CSTL1: variants seen among roughly 807,000 people sequenced by gnomAD.
CSTL1 encodes cystatin like 1.
CSTL1 carries 14 observed loss-of-function variants against 14.4 expected under a neutral mutation model. The ratio of observed to expected loss-of-function variants is 0.97; its 90% CI spans 0.64 to 1.52. The LOEUF is 1.52. Among genes scored for constraint, CSTL1 ranks in the 40% most tolerant of loss-of-function variants. CSTL1 has a pLI of 0.00. For synonymous variants in CSTL1, 72 were observed against 67.5 expected (o/e 1.07, Z -0.33); for missense variants, 170 against 168.7 (o/e 1.01, Z -0.04).
At chr20:23,445,920 G>C (rs1986956682), downstream of CSTL1, among the ~76,000 whole-genome samples, 1 of 152,190 alleles carries the variant, frequency 6.6e-6, no homozygotes, top group Non-Finnish European at 1.5e-5. Context: ...GGAGCTTCCA[G>C]AGTTCTCTCT....
rs999717104 is a variant in CSTL1 at position 23,440,046 on chromosome 20, A to G, written c.-124-98A>G. 14 of 569,306 alleles carry G rather than the reference A, an allele frequency of 2.5e-5. No homozygotes were observed. In the East Asian group the frequency reaches 4.3e-4, roughly 17 times the overall value. 35.3% of individuals were successfully genotyped at this position (569,306 alleles called of 1,614,324 possible). A position where few individuals can be genotyped will look rare whatever the true frequency, so the allele number is the denominator to read the frequency against. ...GTGTTTAAAAATTTTGCTTGCCTGG[A>G]TCACCAAAGAACTGAATGGGTGGTG... On this transcript the variant is annotated intron_variant, in intron 1 of 3. Coordinates refer to ENST00000347397, the MANE Select transcript of CSTL1 (RefSeq NM_138283.1).
chr20:23,450,541 A>C, the CSTL1 span: 1 of 1,612,474 alleles, frequency 6.2e-7, no homozygotes, highest in Non-Finnish European at 8.5e-7. Context: ...AAAATTTTGT[A>C]CTGTTCAAAC....
downstream of CSTL1, among the ~76,000 whole-genome samples, chr20:23,447,861 A>G (rs1986999248): frequency 1.3e-5 from 2 of 152,182 alleles, no homozygotes; most frequent in Admixed American, 6.5e-5. Context: ...ACTTTTAAAC[A>G]TTGTTTGTTT....
Position 23,444,005 on chromosome 20 carries a change from C to A in CSTL1, c.291C>A (p.Ser97Arg), listed in dbSNP as rs1012933829. ...CCAAATGCAAGAGGAATGACACGAG[C>A]AATTCTTCCTGCCCCCTGCAAAGCA... ...GWTKCKRNDTSNSSCPLQSKK... is the reference protein window; with the variant it reads ...GWTKCKRNDTRNSSCPLQSKK... Residue 97 changes from serine (S) to arginine (R), a missense_variant, in exon 3 of 4, where the codon AGC (serine) becomes AGA (arginine). Coordinates refer to ENST00000347397, the MANE Select transcript of CSTL1 (RefSeq NM_138283.1). The A allele has an allele frequency of 6.2e-7, 1 of 1,614,134 alleles. No homozygotes were observed.
At chr20:23,443,080 C>G (rs559256603) in intron 2 of CSTL1, among the ~76,000 whole-genome samples, 1 of 152,296 alleles carries the variant, frequency 6.6e-6, no homozygotes, top group East Asian at 1.9e-4. Flanking sequence ...CGTGTACCCA[C>G]CATGCCTCCT....
rs2123316260 is a variant in CSTL1 at position 23,444,644 on chromosome 20, TG to T, written c.331-124del. 3 of 641,444 alleles carry T rather than the reference TG, an allele frequency of 4.7e-6. No individual in the cohort carries two copies. In the South Asian group the frequency reaches 5.5e-5, roughly 12 times the overall value. 39.7% of individuals were successfully genotyped at this position (641,444 alleles called of 1,614,324 possible). ...TCCTTTCTGTTTCTACCCTTGACTG[TG>T]GGCAGCTCCCCTCTCTGCCCATGGG... On this transcript the variant is annotated intron_variant, in intron 3 of 3. Coordinates refer to ENST00000347397, the MANE Select transcript of CSTL1 (RefSeq NM_138283.1).
At chr20:23,444,984 G>A (rs1986936583), downstream of CSTL1, 1 of 756,058 alleles carries the variant, frequency 1.3e-6, no homozygotes, top group Admixed American at 2.0e-5. Flanking sequence ...TGCACACACA[G>A]AGTGTACACG....
the CSTL1 span, chr20:23,452,519 G>A: frequency 3.0e-6 from 3 of 1,015,980 alleles, no homozygotes; most frequent in Non-Finnish European, 4.7e-6. Context: ...GACTATTCCT[G>A]ACACCAGTGG....
chr20:23,439,789 A>T lies in CSTL1; in HGVS notation c.-142A>T, dbSNP rs562355838. On this transcript the variant is annotated 5_prime_UTR_variant, in exon 1 of 4. Transcript: ENST00000347397. ...GGAACAGGTGGTGGCTTTGTAAGAC[A>T]GTTGGAACCCAAGGAAGGTAAGAAT... is the stretch of plus-strand genomic sequence containing the variant. 5.3e-5 allele frequency: 9 copies of T among 168,660 alleles called. No homozygotes were observed. The highest frequency in any genetic ancestry group is 2.1e-4 in the African/African-American group (9 of 42,000). 10.4% of individuals were successfully genotyped at this position (168,660 alleles called of 1,614,324 possible).
At chr20:23,449,460 C>A (rs150930897), downstream of CSTL1, among the ~76,000 whole-genome samples, 914 of 152,192 alleles carry the variant, frequency 6.0e-3, 9 homozygotes, top group African/African-American at 0.02. Flanking sequence ...CTAGACCTCA[C>A]CTGTTGTATT....
the CSTL1 span, among the ~76,000 whole-genome samples, chr20:23,451,164 T>C: frequency 6.6e-6 from 1 of 152,208 alleles, no homozygotes; most frequent in African/African-American, 2.4e-5. Context: ...TTCCTGACTT[T>C]GCTTCCTCTC....
intron 2 of CSTL1, among the ~76,000 whole-genome samples, chr20:23,442,627 A>C (rs896905065): frequency 2.0e-5 from 3 of 152,208 alleles, no homozygotes; most frequent in Admixed American, 6.5e-5. Context: ...ATGCCCATGC[A>C]TGGATGGCCC....
intron 3 of CSTL1, among the ~76,000 whole-genome samples, chr20:23,444,446 C>A (rs917436148): frequency 3.3e-5 from 5 of 152,240 alleles, no homozygotes; most frequent in African/African-American, 4.8e-5. Context: ...ACAAGGGGCT[C>A]CCCCATGCCT....
rs770113254 is a variant in CSTL1, at chr20:23,444,042, A to C, written c.328A>C (p.Lys110Gln). ...SCPLQSKKLR[K>Q]SLICESLIYT... Reference sequence around the variant, plus strand: ...CCCCCTGCAAAGCAAGAAGCTGAGAAAGGTGTGTAGTGGAAGTCATCCCAA... The same window carrying C: ...CCCCCTGCAAAGCAAGAAGCTGAGACAGGTGTGTAGTGGAAGTCATCCCAA... Residue 110 changes from lysine to glutamine, a missense_variant and splice_region_variant, in exon 3 of 4, where the codon AAG (lysine) becomes CAG (glutamine). Lys to Gln is a moderately conservative substitution (Grantham distance 53). Coordinates refer to ENST00000347397, the MANE Select transcript of CSTL1 (RefSeq NM_138283.1). The C allele has an allele frequency of 1.9e-6, 3 of 1,612,492 alleles. No homozygotes were observed. In the Admixed American group the frequency reaches 5.0e-5, roughly 27 times the overall value.
rs1255051600 is a variant in CSTL1 at position 23,444,785 on chromosome 20, G to T, written c.345G>T (p.Glu115Asp). Residue 115 changes from glutamate to aspartate, a missense_variant, in exon 4 of 4, where the codon GAG (glutamate) becomes GAT (aspartate). Glu to Asp is a conservative substitution (Grantham distance 45, BLOSUM62 2). Transcript: ENST00000347397. The stretch of plus-strand genomic sequence containing the variant: ...TTCTTCTACAGAGTTTAATTTGCGA[G>T]TCTTTGATATACACCATGCCCTGGA... ...SKKLRKSLIC[E>D]SLIYTMPWIN... 1 of 1,612,178 alleles carries T rather than the reference G, an allele frequency of 6.2e-7. No individual in the cohort carries two copies. The highest frequency in any genetic ancestry group is 8.5e-7 in the Non-Finnish European group (1 of 1,178,280).
At chr20:23,456,925 A>G in the CSTL1 span, among the ~76,000 whole-genome samples, 1,569 of 152,224 alleles carry the variant, frequency 0.01, 27 homozygotes, top group African/African-American at 0.036. Flanking sequence ...GACGTGATTA[A>G]TTACATGGGG....
downstream of CSTL1, among the ~76,000 whole-genome samples, chr20:23,448,127 A>C (rs1442694925): frequency 6.6e-6 from 1 of 152,036 alleles, no homozygotes; most frequent in African/African-American, 2.4e-5. Flanking sequence ...AGATTTTGGC[A>C]CACCTCTCAC....
At chr20:23,453,212 G>C in the CSTL1 span, among the ~76,000 whole-genome samples, 1 of 151,764 alleles carries the variant, frequency 6.6e-6, no homozygotes, top group Non-Finnish European at 1.5e-5. Context: ...TAGGTGAGCA[G>C]TGGGGGGTGG....
At chr20:23,458,485 G>A in the CSTL1 span, 58,150 of 152,084 alleles carry the variant, frequency 0.38, 13,017 homozygotes, top group Non-Finnish European at 0.49. Context: ...TCAGGTGGAT[G>A]TGTCTCCTTG....
Sources: gnomAD v4.1 joint callset for allele counts (sites outside exome capture counted in the v4.1 genomes callset) on GRCh38, gnomAD v4.1.1 for gene constraint, MANE v1.5 for transcripts, NCBI Gene and HGNC (gene_info 2026-07-23, HGNC 2026-07-21) for gene names.